The following PTPRB variants were observed in gnomAD, a reference collection of about 807,000 sequenced individuals.
PTPRB encodes the protein receptor-type tyrosine-protein phosphatase beta.
In PTPRB, 97 loss-of-function variants were observed where a neutral mutation model predicts 238.1. The ratio of observed to expected loss-of-function variants is 0.41; its 90% CI spans 0.35 to 0.48. The LOEUF (loss-of-function observed/expected upper bound fraction) is 0.48, where lower values mean the gene tolerates loss of function less well. Among genes scored for constraint, PTPRB ranks in the 20% least tolerant of loss-of-function variants. PTPRB has a pLI of 0.30. For synonymous variants in PTPRB, 970 were observed against 995.4 expected (o/e 0.97, Z 0.48); for missense variants, 2,292 against 2,681.9 (o/e 0.85, Z 3.21).
intron 11 of PTPRB, among the ~76,000 whole-genome samples, chr12:70,572,943 T>TA (rs1349812340): frequency 1.3e-5 from 2 of 151,704 alleles, no homozygotes; most frequent in African/African-American, 2.4e-5. Flanking sequence ...CTGGCAAAAT[T>TA]AAAAAACTAT....
chr12:70,540,829 C>A, intron 23 of PTPRB, 29 bp downstream of exon 23: 1 of 1,517,254 alleles, frequency 6.6e-7, no homozygotes, highest in South Asian at 1.2e-5. Context: ...AGTTGTGGGT[C>A]CAATCACCAA....
At chr12:70,548,338 TCTCTCTCTCA>T (rs1330029810) in intron 21 of PTPRB, among the ~76,000 whole-genome samples, 10 of 38,424 alleles carry the variant, frequency 2.6e-4, no homozygotes, top group Middle Eastern at 0.011. Context: ...TCTCTCTCTC[TCTCTCTCTCA>T]CACACACACA....
At chr12:70,553,790 C>T (rs1051076424) in intron 20 of PTPRB, among the ~76,000 whole-genome samples, 4 of 152,202 alleles carry the variant, frequency 2.6e-5, no homozygotes, top group African/African-American at 9.7e-5. Flanking sequence ...ATAAGTGAGT[C>T]TTAGAAATAT....
chr12:70,534,446 C>T (rs916940200), intron 31 of PTPRB, 42 bp downstream of exon 31: 3 of 1,597,856 alleles, frequency 1.9e-6, no homozygotes, highest in African/African-American at 1.3e-5. Flanking sequence ...GGCACAACCC[C>T]CTTATGGCTG....
At position 70,566,581 on chromosome 12, in the gene PTPRB, C is replaced by T. The variant is rs1366888100; in HGVS notation, c.3758G>A (p.Gly1253Glu). 1.2e-6 allele frequency: 2 copies of T among 1,613,840 alleles called. No individual in the cohort carries two copies. The highest frequency in any genetic ancestry group is 8.5e-7 in the Non-Finnish European group (1 of 1,179,900). Reference sequence around the variant, plus strand: ...CTCTGATGTGTTGCGCAGAAGGATTCCATTTTCAGTTAGAAGCAGGATATC... The same window carrying T: ...CTCTGATGTGTTGCGCAGAAGGATTTCATTTTCAGTTAGAAGCAGGATATC... ...RYDILLLTEN[G>E]ILLRNTSEPA... Residue 1253 changes from glycine (G) to glutamate (E), a missense_variant, in exon 15 of 34, where the codon GGA becomes GAA. Coordinates refer to ENST00000334414, the MANE Select transcript of PTPRB (RefSeq NM_001109754.4).
chr12:70,540,614 T>C, intron 23 of PTPRB: 1 of 426,744 alleles, frequency 2.3e-6, no homozygotes, highest in East Asian at 4.1e-5. Flanking sequence ...CACTTCATCT[T>C]TAAATAAAGC....
At position 70,530,251 on chromosome 12, in the gene PTPRB, G is replaced by A. The variant is rs556817688; in HGVS notation, c.6504+1784C>T. Among the ~76,000 whole-genome samples the A allele has an allele frequency of 1.4e-4, 21 of 152,202 alleles. No homozygotes were observed. The East Asian group carries it at 4.1e-3, about 29-fold the overall frequency. On this transcript the variant is annotated intron_variant, in intron 32 of 33. Coordinates refer to ENST00000334414, the MANE Select transcript of PTPRB (RefSeq NM_001109754.4). ...CTGACTGGATATTAGGTGAGATTTA[G>A]GAATAACGGTTAAGAAAGACATAGA...
chr12:70,605,982 T>A (rs1883910821), intron 4 of PTPRB, among the ~76,000 whole-genome samples: 1 of 152,210 alleles, frequency 6.6e-6, no homozygotes, highest in South Asian at 2.1e-4. Context: ...GAGTTCACAC[T>A]AAATACTTTG....
At position 70,555,578 on chromosome 12, in the gene PTPRB, T is replaced by G. The variant is rs554609175; in HGVS notation, c.4994-269A>C. The stretch of plus-strand genomic sequence containing the variant: ...CCTGAAGTTGTAGCTTCAAATTGCT[T>G]AAGAGCTCCATTATAGCTCTAACTA... On this transcript the variant is annotated intron_variant, in intron 19 of 33. Transcript: ENST00000334414. Among the ~76,000 whole-genome samples, 106 of 152,316 alleles carry G rather than the reference T, an allele frequency of 7.0e-4. 1 individual carries two copies. The South Asian group carries it at 0.021, about 31-fold the overall frequency.
chr12:70,571,707 A>C, intron 12 of PTPRB, 117 bp downstream of exon 12: 2 of 1,163,242 alleles, frequency 1.7e-6, no homozygotes, highest in Non-Finnish European at 2.4e-6. Flanking sequence ...GCACCAAGTG[A>C]GACTTACTGG....
intron 18 of PTPRB, among the ~76,000 whole-genome samples, chr12:70,556,810 T>G (rs1004786830): frequency 6.6e-6 from 1 of 152,170 alleles, no homozygotes; most frequent in Non-Finnish European, 1.5e-5. Context: ...AAGTTAAGAA[T>G]TATGTCCTCC....
chr12:70,622,540 C>A lies in PTPRB; in HGVS notation c.558G>T (p.Arg186Ser), dbSNP rs745561529. 8.1e-6 allele frequency: 13 copies of A among 1,610,466 alleles called. No individual in the cohort carries two copies. Among genetic ancestry groups the A allele is most frequent in the Non-Finnish European group, 1.0e-5 (12 of 1,178,144 alleles). Residue 186 changes from arginine (R) to serine (S), a missense_variant, in exon 3 of 34, where the codon AGG becomes AGT. Coordinates refer to ENST00000334414, the MANE Select transcript of PTPRB (RefSeq NM_001109754.4). ...AVPDGLVFLI[R>S]NTTEAFIRNA... is the part of the protein sequence containing the mutation. ...TTCTGATGAAGGCCTCTGTGGTATT[C>A]CTAATAAGGAATACCAGGCCATCTG...
rs577005619 is a variant in PTPRB, at chr12:70,532,791, G to GTAAC, written c.6369-625_6369-622dup. 1.8e-3 allele frequency among the ~76,000 whole-genome samples: 267 copies of GTAAC among 152,010 alleles called. 1 individual carries two copies. Among genetic ancestry groups the GTAAC allele is most frequent in the African/African-American group, 6.0e-3 (247 of 41,478 alleles). On this transcript the variant is annotated intron_variant, in intron 31 of 33. Transcript: ENST00000334414. The stretch of plus-strand genomic sequence containing the variant: ...TGAGTAGCTGGGACCACAGGCATGT[G>GTAAC]TAACTACTCCCAGCTAATTAAAAAA...
intron 10 of PTPRB, among the ~76,000 whole-genome samples, chr12:70,580,708 A>G (rs1490843455): frequency 6.6e-6 from 1 of 151,852 alleles, no homozygotes; most frequent in Non-Finnish European, 1.5e-5. Context: ...AATCCCAGCT[A>G]CTCGGGAGAC....
At chr12:70,613,822 C>T (rs191059964) in intron 3 of PTPRB, among the ~76,000 whole-genome samples, 1 of 152,212 alleles carries the variant, frequency 6.6e-6, no homozygotes, top group East Asian at 1.9e-4. Context: ...AATAAATATC[C>T]TAAACAAGTC....
chr12:70,528,777 A>G (rs912936094), intron 32 of PTPRB, among the ~76,000 whole-genome samples: 1 of 152,158 alleles, frequency 6.6e-6, no homozygotes, highest in Non-Finnish European at 1.5e-5. Context: ...TGGGCAACAT[A>G]ATGAGACTGC....
chr12:70,573,500 C>CTTTT (rs1327407538), intron 11 of PTPRB, among the ~76,000 whole-genome samples: 1 of 121,976 alleles, frequency 8.2e-6, no homozygotes, highest in African/African-American at 3.5e-5. Context: ...TTTTTCTTTT[C>CTTTT]TTTTCTTTTT....
rs1309660356 is a variant in PTPRB, at chr12:70,542,907, G to GA, written c.5494+1649dup. On this transcript the variant is annotated intron_variant, in intron 22 of 33. Transcript: ENST00000334414. ...CTCAAAAAAAAGGAAAAAAAAAAAG[G>GA]AAAAAAATATATATATTACACTATA... 2.0e-5 allele frequency: 3 copies of GA among 150,002 alleles called. No homozygotes were observed. In the East Asian group the frequency reaches 5.8e-4, roughly 29 times the overall value. 9.3% of individuals were successfully genotyped at this position (150,002 alleles called of 1,614,324 possible).
At chr12:70,547,504 C>T (rs1441109646) in intron 21 of PTPRB, among the ~76,000 whole-genome samples, 2 of 143,794 alleles carry the variant, frequency 1.4e-5, no homozygotes. Flanking sequence ...TTTTCTTTTT[C>T]TTTCTTTTCT....
Sources: allele counts gnomAD v4.1 joint callset (sites outside exome capture counted in the v4.1 genomes callset), GRCh38; gene constraint gnomAD v4.1.1; transcripts MANE v1.5; gene names NCBI Gene and HGNC (gene_info 2026-07-23, HGNC 2026-07-21).